Variants in SLC24A2 observed in about 807,000 individuals in gnomAD.
SLC24A2 encodes the protein solute carrier family 24 member 2.
A neutral mutation model predicts 62.0 loss-of-function variants in SLC24A2; 36 were observed. The observed-to-expected ratio is 0.58, with a 90% confidence interval of 0.44 to 0.77. SLC24A2 has a LOEUF of 0.77. Ranked by LOEUF, SLC24A2 falls within the 30% of genes least tolerant of loss-of-function variation. The pLI, the probability that SLC24A2 is intolerant of heterozygous loss-of-function variation, is 0.00. For synonymous variants in SLC24A2, 358 were observed against 294.0 expected (o/e 1.22, Z -2.23); for missense variants, 846 against 817.9 (o/e 1.03, Z -0.42).
the SLC24A2 span, among the ~76,000 whole-genome samples, chr9:20,004,001 G>A: frequency 6.6e-6 from 1 of 152,068 alleles, no homozygotes; most frequent in African/African-American, 2.4e-5. Context: ...TTACATATAT[G>A]TAATTAGTTG....
chr9:19,641,075 G>A (rs564248053), intron 2 of SLC24A2, among the ~76,000 whole-genome samples: 1 of 152,242 alleles, frequency 6.6e-6, no homozygotes. Flanking sequence ...TGATGCGTCA[G>A]TCTAGTGATT....
chr9:20,235,144 G>T, the SLC24A2 span, among the ~76,000 whole-genome samples: 4 of 152,192 alleles, frequency 2.6e-5, no homozygotes, highest in African/African-American at 9.7e-5. Context: ...CTACTGGGGG[G>T]TGCCTCCCAG....
intron 2 of SLC24A2, among the ~76,000 whole-genome samples, chr9:19,764,319 T>A (rs531077320): frequency 6.6e-6 from 1 of 152,326 alleles, no homozygotes; most frequent in South Asian, 2.1e-4. Flanking sequence ...CTTCTTCAGT[T>A]CTGCTCTGAT....
chr9:20,208,350 G>A, the SLC24A2 span, among the ~76,000 whole-genome samples: 30 of 152,180 alleles, frequency 2.0e-4, no homozygotes, highest in Non-Finnish European at 4.1e-4. Context: ...CGCATAGCAC[G>A]GCGAAGGCTG....
At chr9:20,128,609 T>C in the SLC24A2 span, among the ~76,000 whole-genome samples, 3 of 152,086 alleles carry the variant, frequency 2.0e-5, no homozygotes, top group African/African-American at 7.2e-5. Context: ...ATATTTGTAG[T>C]GTGAAGTTAA....
intron 2 of SLC24A2, among the ~76,000 whole-genome samples, chr9:19,701,994 T>C (rs1289194884): frequency 6.6e-6 from 1 of 152,122 alleles, no homozygotes; most frequent in Non-Finnish European, 1.5e-5. Flanking sequence ...AGAGTCAGAA[T>C]CTCTTGTTTT....
chr9:20,021,615 A>G, the SLC24A2 span, among the ~76,000 whole-genome samples: 3 of 152,024 alleles, frequency 2.0e-5, no homozygotes, highest in Admixed American at 2.0e-4. Flanking sequence ...GACGTTTTCA[A>G]GCACACAGGT....
the SLC24A2 span, among the ~76,000 whole-genome samples, chr9:20,007,811 T>C: frequency 4.0e-5 from 6 of 150,958 alleles, no homozygotes; most frequent in African/African-American, 7.3e-5. Context: ...ACAAGCTTGA[T>C]GTGTATTTTA....
At chr9:19,531,682 T>C (rs1833715449) in intron 8 of SLC24A2, among the ~76,000 whole-genome samples, 1 of 151,816 alleles carries the variant, frequency 6.6e-6, no homozygotes, top group Non-Finnish European at 1.5e-5. Context: ...GGGACATATA[T>C]TTAACAAAGA....
At chr9:19,939,069 C>T in the SLC24A2 span, among the ~76,000 whole-genome samples, 1 of 152,226 alleles carries the variant, frequency 6.6e-6, no homozygotes, top group African/African-American at 2.4e-5. Flanking sequence ...GCAGATCACA[C>T]AGATAAATAT....
At chr9:19,806,057 A>C in the SLC24A2 span, among the ~76,000 whole-genome samples, 1 of 152,192 alleles carries the variant, frequency 6.6e-6, no homozygotes, top group East Asian at 1.9e-4. Flanking sequence ...ATAAAATTAG[A>C]ATAGGCATAA....
At chr9:19,918,566 G>A in the SLC24A2 span, among the ~76,000 whole-genome samples, 7 of 152,186 alleles carry the variant, frequency 4.6e-5, no homozygotes, top group South Asian at 2.1e-4. Flanking sequence ...GTGTTGGAGC[G>A]TGGAAGCTCT....
At chr9:19,624,080 C>T (rs1021351288) in intron 2 of SLC24A2, among the ~76,000 whole-genome samples, 2 of 152,226 alleles carry the variant, frequency 1.3e-5, no homozygotes, top group Admixed American at 1.3e-4. Context: ...GATCCTGCTT[C>T]TCTCTGGCAG....
the SLC24A2 span, among the ~76,000 whole-genome samples, chr9:20,142,014 CAG>C: frequency 6.6e-6 from 1 of 152,080 alleles, no homozygotes; most frequent in Non-Finnish European, 1.5e-5. Context: ...ACCTGGGAGG[CAG>C]AGGTTGCAGT....
At chr9:19,667,883 G>A (rs898671099) in intron 2 of SLC24A2, among the ~76,000 whole-genome samples, 34 of 152,078 alleles carry the variant, frequency 2.2e-4, no homozygotes, top group Admixed American at 2.0e-4. Flanking sequence ...TCTTAAACCC[G>A]CTGCTAGTTC....
At chr9:20,176,619 C>T in the SLC24A2 span, among the ~76,000 whole-genome samples, 10 of 152,154 alleles carry the variant, frequency 6.6e-5, no homozygotes, top group African/African-American at 9.6e-5. Context: ...CCATAGACAC[C>T]GATGAAGATG....
At chr9:20,302,584 T>C in the SLC24A2 span, among the ~76,000 whole-genome samples, 2 of 152,260 alleles carry the variant, frequency 1.3e-5, no homozygotes, top group Non-Finnish European at 2.9e-5. Flanking sequence ...GTTATTTTCA[T>C]ATTTTGGTGT....
chr9:19,755,035 T>C (rs546525928), intron 2 of SLC24A2, among the ~76,000 whole-genome samples: 1 of 152,228 alleles, frequency 6.6e-6, no homozygotes, highest in South Asian at 2.1e-4. Context: ...TCTGAGCAGG[T>C]ATAAAGACTG....
chr9:19,968,334 A>G, the SLC24A2 span, among the ~76,000 whole-genome samples: 1 of 152,178 alleles, frequency 6.6e-6, no homozygotes, highest in Non-Finnish European at 1.5e-5. Flanking sequence ...ACATCCTTGG[A>G]GCACTTACTA....
Sources: gnomAD v4.1 joint callset for allele counts (sites outside exome capture counted in the v4.1 genomes callset) on GRCh38, gnomAD v4.1.1 for gene constraint, MANE v1.5 for transcripts, NCBI Gene and HGNC (gene_info 2026-07-23, HGNC 2026-07-21) for gene names.